ANO6: variants seen among roughly 807,000 people sequenced by gnomAD.
ANO6 encodes the protein anoctamin 6.
In ANO6, 106 loss-of-function variants were observed where a neutral mutation model predicts 117.5. The ratio of observed to expected loss-of-function variants is 0.90; its 90% CI spans 0.77 to 1.06. The LOEUF is 1.06. ANO6 is among the 50% of genes least tolerant of loss of function. The pLI is 0.00. For missense variants in ANO6, 955 were observed against 1,121.1 expected, an observed-to-expected ratio of 0.85 and a Z score of 2.12; for synonymous variants, 367 against 385.1, an observed-to-expected ratio of 0.95 and a Z score of 0.55.
chr12:45,394,241 G>T (rs1321627016), intron 12 of ANO6, among the ~76,000 whole-genome samples: 1 of 152,110 alleles, frequency 6.6e-6, no homozygotes, highest in Non-Finnish European at 1.5e-5. Flanking sequence ...GATCAAAAGA[G>T]AGACAAAATA....
At chr12:45,326,732 T>G (rs1940479455) in intron 2 of ANO6, among the ~76,000 whole-genome samples, 1 of 152,216 alleles carries the variant, frequency 6.6e-6, no homozygotes, top group Non-Finnish European at 1.5e-5. Context: ...CAGATTGTGC[T>G]GGGACACCAT....
chr12:45,331,214 T>C, intron 2 of ANO6, 81 bp from the exon 3 acceptor site: 1 of 1,300,458 alleles, frequency 7.7e-7, no homozygotes, highest in Non-Finnish European at 1.1e-6. Context: ...ATAAACCTAT[T>C]AAAGCTTGAA....
At chr12:45,326,049 G>C (rs1396560457) in intron 2 of ANO6, among the ~76,000 whole-genome samples, 1 of 152,044 alleles carries the variant, frequency 6.6e-6, no homozygotes, top group East Asian at 1.9e-4. Context: ...CTGCTTCCTT[G>C]GCATGAACTA....
rs570279332 is a variant in ANO6, at chr12:45,291,775, GCTA to G, written c.71-10235_71-10233del. Among the ~76,000 whole-genome samples the G allele has an allele frequency of 1.5e-3, 222 of 152,220 alleles. 2 individuals are homozygous for G. The highest frequency in any genetic ancestry group is 5.1e-3 in the African/African-American group (212 of 41,528). ...ATACCACTTTACACCTACCGGGATG[GCTA>G]CTATTTTTTTTTTTAATCAAATAAG... is the stretch of plus-strand genomic sequence containing the variant. On this transcript the variant is annotated intron_variant, in intron 1 of 19. Coordinates refer to ENST00000320560, the MANE Select transcript of ANO6 (RefSeq NM_001025356.3).
rs141767199 is a variant in ANO6, at chr12:45,363,301, C to T, written c.999-4387C>T. Among the ~76,000 whole-genome samples the T allele has an allele frequency of 2.4e-4, 37 of 152,196 alleles. 1 individual carries two copies. Among genetic ancestry groups the T allele is most frequent in the South Asian group, 8.3e-4 (4 of 4,818 alleles). On this transcript the variant is annotated intron_variant, in intron 8 of 19. Coordinates refer to ENST00000320560, the MANE Select transcript of ANO6 (RefSeq NM_001025356.3). ...AATCTGGGCTGAGTGCGGTGGCTCA[C>T]GCCTGTAATCCCACAACTTTTGGGA... is the stretch of plus-strand genomic sequence containing the variant.
chr12:45,247,322 T>C (rs1325098274), intron 1 of ANO6, among the ~76,000 whole-genome samples: 3 of 152,346 alleles, frequency 2.0e-5, no homozygotes, highest in African/African-American at 7.2e-5. Flanking sequence ...GACAGCAACA[T>C]ATATTAAGTG....
intron 7 of ANO6, 27 bp downstream of exon 7, chr12:45,350,801 G>C (rs1426112708): frequency 1.3e-6 from 2 of 1,573,412 alleles, no homozygotes; most frequent in Middle Eastern, 1.8e-4. Context: ...AGTACTCCAG[G>C]GGGAGGCACT....
At chr12:45,222,178 GC>G (rs1222450464) in intron 1 of ANO6, among the ~76,000 whole-genome samples, 1 of 150,778 alleles carries the variant, frequency 6.6e-6, no homozygotes, top group African/African-American at 2.4e-5. Flanking sequence ...ACCACGCCCG[GC>G]CCCCCCACTC....
At chr12:45,258,275 A>T (rs1029743790) in intron 1 of ANO6, among the ~76,000 whole-genome samples, 78 of 152,234 alleles carry the variant, frequency 5.1e-4, no homozygotes, top group African/African-American at 1.6e-3. Context: ...AGCAAAATCA[A>T]AGTAGAATAC....
rs143670540 is a variant in ANO6, at chr12:45,418,646, TG to T, written c.2217+1743del. ...TATTCCTCAAGCATTCTAGATTGAT[TG>T]TATTAGGTACCTTTTCCCAGCATCC... On this transcript the variant is annotated intron_variant, in intron 17 of 19. Coordinates refer to ENST00000320560, the MANE Select transcript of ANO6 (RefSeq NM_001025356.3). Among the ~76,000 whole-genome samples the T allele has an allele frequency of 1.1e-3, 164 of 152,298 alleles. 4 individuals carry two copies. In the East Asian group the frequency reaches 0.028, roughly 26 times the overall value.
chr12:45,394,770 G>C (rs1436759525), intron 12 of ANO6, among the ~76,000 whole-genome samples: 2 of 152,208 alleles, frequency 1.3e-5, no homozygotes, highest in African/African-American at 4.8e-5. Context: ...AATGAAGGCA[G>C]AAATAAAGAT....
chr12:45,250,499 C>A (rs1947885350), intron 1 of ANO6, among the ~76,000 whole-genome samples: 2 of 152,040 alleles, frequency 1.3e-5, no homozygotes, highest in Admixed American at 1.3e-4. Flanking sequence ...CTCAAGCATT[C>A]CTCTTGCCTC....
At chr12:45,296,736 G>T (rs1396186632) in intron 1 of ANO6, among the ~76,000 whole-genome samples, 1 of 152,166 alleles carries the variant, frequency 6.6e-6, no homozygotes, top group African/African-American at 2.4e-5. Context: ...ATCAGGTTTA[G>T]ATTCCCATTG....
chr12:45,340,978 T>A (rs1245118550), intron 3 of ANO6, among the ~76,000 whole-genome samples: 1 of 152,218 alleles, frequency 6.6e-6, no homozygotes, highest in Non-Finnish European at 1.5e-5. Context: ...ACTAGTTATT[T>A]GTGAATTGCC....
intron 1 of ANO6, among the ~76,000 whole-genome samples, chr12:45,262,501 C>T (rs746842894): frequency 3.9e-5 from 6 of 151,968 alleles, no homozygotes; most frequent in South Asian, 2.1e-4. Context: ...TCTGGCTCAC[C>T]GCAATCTCCG....
In ANO6 at chr12:45,388,214, T is replaced by G. The variant is rs749405995; in HGVS notation, c.1219T>G (p.Trp407Gly). The change falls in exon 11 of 20, where the codon TGG (tryptophan) becomes GGG (glycine). Residue 407 changes from tryptophan (W) to glycine (G), a missense_variant. Physicochemically the swap from Trp to Gly is radical, Grantham distance 184. Transcript: ENST00000320560. The stretch of plus-strand genomic sequence containing the variant: ...ACGCCAGGCAGAACTTGAGTATGAA[T>G]GGGATACTGTTGAGTTACAGCAGGA... ...KRRQAELEYE[W>G]DTVELQQEEQ... The G allele has an allele frequency of 1.2e-6, 2 of 1,614,066 alleles. No individual in the cohort carries two copies. Among genetic ancestry groups the G allele is most frequent in the Non-Finnish European group, 1.7e-6 (2 of 1,179,960 alleles).
chr12:45,228,560 T>C (rs557292954), intron 1 of ANO6, among the ~76,000 whole-genome samples: 65 of 152,254 alleles, frequency 4.3e-4, no homozygotes, highest in Admixed American at 9.8e-4. Context: ...CTTTAGAATA[T>C]CACAGGAGAA....
chr12:45,250,162 G>T (rs1947880819), intron 1 of ANO6, among the ~76,000 whole-genome samples: 1 of 152,158 alleles, frequency 6.6e-6, no homozygotes, highest in African/African-American at 2.4e-5. Flanking sequence ...GACTGTATAA[G>T]TACTAAAAAA....
chr12:45,421,401 T>G, intron 18 of ANO6, 128 bp downstream of exon 18: 1 of 973,208 alleles, frequency 1.0e-6, no homozygotes, highest in Non-Finnish European at 1.6e-6. Context: ...ATCAGGTGCT[T>G]TGGTGTCATT....
Sources: gnomAD v4.1 joint callset for allele counts (sites outside exome capture counted in the v4.1 genomes callset) on GRCh38, gnomAD v4.1.1 for gene constraint, MANE v1.5 for transcripts, NCBI Gene and HGNC (gene_info 2026-07-23, HGNC 2026-07-21) for gene names.